Variants in CHSY3 observed in about 807,000 individuals in gnomAD.
CHSY3 encodes the protein chondroitin sulfate synthase 3, also known as N-acetylgalactosaminyl-proteoglycan 3-beta-glucuronosyltransferase 3.
A neutral mutation model predicts 67.2 loss-of-function variants in CHSY3; 35 were observed. The ratio of observed to expected loss-of-function variants is 0.52; its 90% confidence interval spans 0.40 to 0.69. The LOEUF (loss-of-function observed/expected upper bound fraction) is 0.69. Among genes scored for constraint, CHSY3 ranks in the 30% least tolerant of loss-of-function variants. CHSY3 has a pLI of 0.00. For missense variants in CHSY3, 1,069 were observed against 1,138.5 expected, an observed-to-expected ratio of 0.94 and a Z score of 0.88; for synonymous variants, 474 against 434.7, an observed-to-expected ratio of 1.09 and a Z score of -1.12.
At chr5:130,002,590 G>A (rs1280057016) in intron 2 of CHSY3, among the ~76,000 whole-genome samples, 1 of 152,058 alleles carries the variant, frequency 6.6e-6, no homozygotes, top group Non-Finnish European at 1.5e-5. Flanking sequence ...CCTGATGCTA[G>A]TGCTACAATG....
At chr5:130,015,003 G>T (rs1764175587) in intron 2 of CHSY3, among the ~76,000 whole-genome samples, 1 of 152,134 alleles carries the variant, frequency 6.6e-6, no homozygotes, top group African/African-American at 2.4e-5. Context: ...AACTGATATG[G>T]TTTGGCTCTG....
At chr5:130,157,929 C>T (rs972325185) in intron 2 of CHSY3, among the ~76,000 whole-genome samples, 10 of 152,262 alleles carry the variant, frequency 6.6e-5, no homozygotes, top group Admixed American at 2.0e-4. Flanking sequence ...GATGTTGCCA[C>T]GGCATCTATA....
At chr5:129,928,142 C>G (rs891075037) in intron 2 of CHSY3, among the ~76,000 whole-genome samples, 19 of 151,800 alleles carry the variant, frequency 1.3e-4, no homozygotes, top group African/African-American at 4.4e-4. Context: ...TATTTCATCA[C>G]CCAGGTATTA....
chr5:130,058,583 A>G (rs1765610512), intron 2 of CHSY3, among the ~76,000 whole-genome samples: 2 of 152,196 alleles, frequency 1.3e-5, no homozygotes, highest in Non-Finnish European at 2.9e-5. Context: ...CCAAGATTGC[A>G]CCATTGTACT....
intron 1 of CHSY3, among the ~76,000 whole-genome samples, chr5:129,906,314 C>A (rs755690002): frequency 2.3e-4 from 35 of 152,092 alleles, no homozygotes; most frequent in Non-Finnish European, 4.3e-4. Flanking sequence ...CCCCGCCACA[C>A]CTCAATAAAA....
At chr5:129,985,344 C>G (rs1478244580) in intron 2 of CHSY3, among the ~76,000 whole-genome samples, 1 of 151,996 alleles carries the variant, frequency 6.6e-6, no homozygotes, top group African/African-American at 2.4e-5. Context: ...AGGTGCGTAG[C>G]TTTATTTCTG....
chr5:130,086,141 C>T (rs1742252290), intron 2 of CHSY3, among the ~76,000 whole-genome samples: 2 of 151,986 alleles, frequency 1.3e-5, no homozygotes, highest in Non-Finnish European at 2.9e-5. Context: ...TGGTGCAGAG[C>T]TGAGTTCAAT....
intron 2 of CHSY3, among the ~76,000 whole-genome samples, chr5:130,009,380 G>A (rs948111559): frequency 4.6e-5 from 7 of 151,652 alleles, no homozygotes; most frequent in Admixed American, 2.0e-4. Flanking sequence ...CTTCCTAAAC[G>A]AAGGAAAAAT....
At chr5:129,950,201 G>A (rs975848529) in intron 2 of CHSY3, among the ~76,000 whole-genome samples, 4 of 151,500 alleles carry the variant, frequency 2.6e-5, no homozygotes, top group African/African-American at 9.7e-5. Flanking sequence ...ATGAATAGAT[G>A]CAGGAAAATA....
chr5:130,133,629 G>T (rs1313628260), intron 2 of CHSY3, among the ~76,000 whole-genome samples: 1 of 151,680 alleles, frequency 6.6e-6, no homozygotes, highest in Non-Finnish European at 1.5e-5. Flanking sequence ...AAAATTAGCT[G>T]GGTGTGGTGC....
chr5:130,069,694 T>G (rs1488822170), intron 2 of CHSY3, among the ~76,000 whole-genome samples: 1 of 152,038 alleles, frequency 6.6e-6, no homozygotes, highest in African/African-American at 2.4e-5. Context: ...ATCGCTATTT[T>G]TATTGGATTG....
At chr5:130,023,755 C>T (rs1764458232) in intron 2 of CHSY3, among the ~76,000 whole-genome samples, 1 of 151,928 alleles carries the variant, frequency 6.6e-6, no homozygotes, top group African/African-American at 2.4e-5. Flanking sequence ...ACATGTAACA[C>T]CCTCCACCCT....
intron 2 of CHSY3, among the ~76,000 whole-genome samples, chr5:130,149,999 C>G (rs183839102): frequency 5.3e-5 from 8 of 152,164 alleles, no homozygotes; most frequent in African/African-American, 1.7e-4. Flanking sequence ...TACAAAAAGA[C>G]TGAAAGTATG....
intron 2 of CHSY3, among the ~76,000 whole-genome samples, chr5:130,070,466 C>A (rs1399449774): frequency 6.6e-6 from 1 of 151,980 alleles, no homozygotes; most frequent in Non-Finnish European, 1.5e-5. Flanking sequence ...TCCAGCTTTC[C>A]CTGGTACATC....
At chr5:130,095,540 T>A (rs1170622986) in intron 2 of CHSY3, among the ~76,000 whole-genome samples, 1 of 152,150 alleles carries the variant, frequency 6.6e-6, no homozygotes, top group African/African-American at 2.4e-5. Flanking sequence ...ATATAAAAAA[T>A]TGAATCAATG....
At chr5:130,131,365 C>T (rs951339001) in intron 2 of CHSY3, among the ~76,000 whole-genome samples, 2 of 152,158 alleles carry the variant, frequency 1.3e-5, no homozygotes. Context: ...GCTGTTTCCA[C>T]TCAACTTTCC....
intron 2 of CHSY3, among the ~76,000 whole-genome samples, chr5:129,926,507 T>A (rs570243862): frequency 7.9e-5 from 12 of 152,114 alleles, no homozygotes; most frequent in Middle Eastern, 3.4e-3. Flanking sequence ...GATCATTGAT[T>A]TTCCACCCAT....
At chr5:129,995,561 T>C (rs780242896) in intron 2 of CHSY3, among the ~76,000 whole-genome samples, 1 of 150,886 alleles carries the variant, frequency 6.6e-6, no homozygotes, top group African/African-American at 2.4e-5. Flanking sequence ...CAGGCTGGAG[T>C]GCAGTGGCTG....
At chr5:130,138,996 C>A (rs756430559) in intron 2 of CHSY3, among the ~76,000 whole-genome samples, 1 of 152,142 alleles carries the variant, frequency 6.6e-6, no homozygotes, top group Non-Finnish European at 1.5e-5. Context: ...CTACTACATA[C>A]ATAGGCTATA....
Sources: allele counts gnomAD v4.1 joint callset (sites outside exome capture counted in the v4.1 genomes callset), GRCh38; gene constraint gnomAD v4.1.1; transcripts MANE v1.5; gene names NCBI Gene and HGNC (gene_info 2026-07-23, HGNC 2026-07-21).